The following SV2C variants were observed in gnomAD, a reference collection of about 807,000 sequenced individuals.
SV2C encodes the protein solute carrier family 22 member B3.
SV2C carries 49 observed loss-of-function variants against 79.7 expected under a neutral mutation model. The observed-to-expected ratio is 0.61, with a 90% confidence interval of 0.49 to 0.78. SV2C has a LOEUF of 0.78. Among genes scored for constraint, SV2C ranks in the 30% least tolerant of loss-of-function variants. SV2C has a pLI of 0.00. For missense variants in SV2C, 833 were observed against 912.9 expected (o/e 0.91, Z 1.13); for synonymous variants, 334 against 333.2 (o/e 1.00, Z -0.03).
intron 4 of SV2C, among the ~76,000 whole-genome samples, chr5:76,225,903 G>A (rs763957719): frequency 2.7e-4 from 41 of 152,186 alleles, no homozygotes; most frequent in Admixed American, 6.5e-4. Flanking sequence ...TTGGGCATCC[G>A]TCTGTGCCTG....
chr5:76,301,624 A>C, intron 12 of SV2C, 79 bp downstream of exon 12: 4 of 1,498,776 alleles, frequency 2.7e-6, no homozygotes, highest in Non-Finnish European at 3.6e-6. Context: ...AACAACCCAA[A>C]CTGGCTGGGC....
At chr5:76,115,103 T>A (rs1007715921) in intron 1 of SV2C, among the ~76,000 whole-genome samples, 1 of 152,214 alleles carries the variant, frequency 6.6e-6, no homozygotes, top group African/African-American at 2.4e-5. Context: ...TAGGTCATTT[T>A]AATATGTCTG....
intron 2 of SV2C, among the ~76,000 whole-genome samples, chr5:76,160,855 C>T (rs1742878425): frequency 6.6e-6 from 1 of 152,138 alleles, no homozygotes; most frequent in Non-Finnish European, 1.5e-5. Flanking sequence ...CCTAGGATGG[C>T]TTGAATCAGA....
the SV2C span, among the ~76,000 whole-genome samples, chr5:76,000,692 G>T: frequency 6.6e-6 from 1 of 152,180 alleles, no homozygotes; most frequent in Admixed American, 6.5e-5. Flanking sequence ...TGCAGAGAAT[G>T]ATACCACATC....
the SV2C span, among the ~76,000 whole-genome samples, chr5:75,864,171 G>T: frequency 0.11 from 16,788 of 151,946 alleles, 990 homozygotes; most frequent in East Asian, 0.16. Flanking sequence ...AGGGCAAAAA[G>T]TTCTTTTTTT....
chr5:75,866,287 T>C, the SV2C span, among the ~76,000 whole-genome samples: 3 of 152,212 alleles, frequency 2.0e-5, no homozygotes, highest in African/African-American at 7.2e-5. Context: ...TATGTAGTTT[T>C]ATTATTCTTA....
the SV2C span, among the ~76,000 whole-genome samples, chr5:75,908,546 C>A: frequency 2.0e-5 from 3 of 152,168 alleles, no homozygotes; most frequent in Admixed American, 6.5e-5. Context: ...TGAGGCCAAA[C>A]CTGTCCCATG....
chr5:75,899,681 T>C, the SV2C span, among the ~76,000 whole-genome samples: 1 of 152,152 alleles, frequency 6.6e-6, no homozygotes, highest in Admixed American at 6.5e-5. Flanking sequence ...AAGTCTCCCA[T>C]TATTATTGAA....
At chr5:76,350,356 C>G (rs927819572) in intron 12 of SV2C, among the ~76,000 whole-genome samples, 8 of 152,268 alleles carry the variant, frequency 5.3e-5, no homozygotes, top group Non-Finnish European at 8.8e-5. Flanking sequence ...GGGGAACTCT[C>G]CAAGGAGAAG....
chr5:76,242,354 G>A (rs1561280152), intron 4 of SV2C: 3 of 1,344,712 alleles, frequency 2.2e-6, no homozygotes, highest in African/African-American at 1.5e-5. Flanking sequence ...AGCGGCGCGC[G>A]GGCTTTGGTC....
At chr5:76,003,136 C>T in the SV2C span, among the ~76,000 whole-genome samples, 4 of 152,238 alleles carry the variant, frequency 2.6e-5, no homozygotes, top group East Asian at 3.9e-4. Context: ...TGAATAAGGA[C>T]GTCTTTGCTT....
At chr5:76,272,309 T>G (rs1341552100) in intron 4 of SV2C, among the ~76,000 whole-genome samples, 1 of 152,154 alleles carries the variant, frequency 6.6e-6, no homozygotes, top group East Asian at 1.9e-4. Context: ...CTAGAATTTT[T>G]GTATTGTTAT....
chr5:76,162,722 C>A (rs761785491), intron 2 of SV2C, among the ~76,000 whole-genome samples: 3 of 152,064 alleles, frequency 2.0e-5, no homozygotes, highest in East Asian at 3.9e-4. Context: ...CTGGCTTACA[C>A]GAATTGGGCC....
At chr5:76,307,405 G>T (rs953567232) in intron 12 of SV2C, among the ~76,000 whole-genome samples, 1 of 152,038 alleles carries the variant, frequency 6.6e-6, no homozygotes, top group African/African-American at 2.4e-5. Flanking sequence ...AAAACAGAGG[G>T]GACTTCCTTA....
At chr5:76,227,119 T>C (rs1290557261) in intron 4 of SV2C, among the ~76,000 whole-genome samples, 1 of 152,180 alleles carries the variant, frequency 6.6e-6, no homozygotes, top group African/African-American at 2.4e-5. Context: ...ACATGAGAAG[T>C]ACCCTTGGTG....
At chr5:75,977,986 C>G in the SV2C span, among the ~76,000 whole-genome samples, 1 of 152,206 alleles carries the variant, frequency 6.6e-6, no homozygotes, top group Admixed American at 6.5e-5. Flanking sequence ...CTTAGCACCC[C>G]TTTCCAGCAA....
chr5:76,229,673 G>C (rs984634675), intron 4 of SV2C, among the ~76,000 whole-genome samples: 1 of 152,236 alleles, frequency 6.6e-6, no homozygotes, highest in Non-Finnish European at 1.5e-5. Context: ...AGAGGAGAGA[G>C]AGGACATATA....
At chr5:75,955,866 G>T in the SV2C span, among the ~76,000 whole-genome samples, 9 of 152,198 alleles carry the variant, frequency 5.9e-5, no homozygotes, top group Non-Finnish European at 1.2e-4. Context: ...ATACCAGTTA[G>T]AATGGCAATC....
At chr5:76,165,618 C>CT (rs70979377) in intron 2 of SV2C, among the ~76,000 whole-genome samples, 37,973 of 151,324 alleles carry the variant, frequency 0.25, 5,134 homozygotes, top group South Asian at 0.39. Flanking sequence ...TTGAGATTGG[C>CT]TTTTTTTTTC....
Sources: allele counts gnomAD v4.1 joint callset (sites outside exome capture counted in the v4.1 genomes callset), GRCh38; gene constraint gnomAD v4.1.1; transcripts MANE v1.5; gene names NCBI Gene and HGNC (gene_info 2026-07-23, HGNC 2026-07-21).